Variants in WARS1 observed in about 807,000 individuals in gnomAD.
The protein encoded by WARS1 is tryptophan--tRNA ligase, cytoplasmic.
In WARS1, 17 loss-of-function variants were observed where a neutral mutation model predicts 47.8. The observed-to-expected ratio is 0.36, with a 90% CI of 0.24 to 0.53. The LOEUF (loss-of-function observed/expected upper bound fraction) is 0.53. WARS1 is among the 20% of genes least tolerant of loss of function. WARS1 has a pLI of 0.91. For synonymous variants in WARS1, 208 were observed against 228.1 expected (o/e 0.91, Z 0.79); for missense variants, 434 against 608.0 (o/e 0.71, Z 3.01).
upstream of WARS1, chr14:100,375,913 C>T (rs1169451831): frequency 2.0e-5 from 3 of 152,254 alleles, no homozygotes; most frequent in African/African-American, 4.8e-5. Context: ...GAGAAGCCTG[C>T]TAACATTACC....
Position 100,354,509 on chromosome 14 carries a change from C to G in WARS1, c.480G>C (p.Thr160=). ...YENKKPFYLY[T]GRGPSSEAMH... ...TTGCTTCAGAAGAGGGGCCCCGGCC[C>G]GTGTACAGATAAAATGGCTTCTTAT... The change falls in exon 5 of 11, where the codon ACG becomes ACC. Residue 160 remains threonine (T), a synonymous_variant. Coordinates refer to ENST00000392882, the MANE Select transcript of WARS1 (RefSeq NM_004184.4). 1 of 1,614,066 alleles carries G rather than the reference C, an allele frequency of 6.2e-7. No homozygotes were observed. Among genetic ancestry groups the G allele is most frequent in the South Asian group, 1.1e-5 (1 of 91,026 alleles).
At chr14:100,364,541 A>G (rs1895840789) in intron 2 of WARS1, among the ~76,000 whole-genome samples, 2 of 152,258 alleles carry the variant, frequency 1.3e-5, no homozygotes, top group Non-Finnish European at 2.9e-5. Context: ...TGCTTCTACT[A>G]CCAAGACATT....
chr14:100,350,362 AGTTT>A (rs1208310945), intron 6 of WARS1, among the ~76,000 whole-genome samples: 1 of 123,336 alleles, frequency 8.1e-6, no homozygotes, highest in Non-Finnish European at 1.6e-5. Flanking sequence ...ACTGCTCTCC[AGTTT>A]GGGCGACAGA....
intron 2 of WARS1, chr14:100,365,624 G>A (rs554139572): frequency 7.3e-5 from 13 of 178,852 alleles, no homozygotes; most frequent in Non-Finnish European, 1.3e-4. Flanking sequence ...TGGAGAAGCC[G>A]GAGTGGAGTC....
chr14:100,358,862 T>C (rs1406804427), intron 4 of WARS1, among the ~76,000 whole-genome samples: 2 of 152,202 alleles, frequency 1.3e-5, no homozygotes, highest in Admixed American at 1.3e-4. Flanking sequence ...AGGCAAAGGA[T>C]CTGAATAGAC....
chr14:100,357,082 G>A (rs1895368431), intron 4 of WARS1, among the ~76,000 whole-genome samples: 1 of 152,072 alleles, frequency 6.6e-6, no homozygotes, highest in Non-Finnish European at 1.5e-5. Context: ...AATAAACACA[G>A]AAAATGCATT....
chr14:100,364,629 A>C (rs1447644981), intron 2 of WARS1, among the ~76,000 whole-genome samples: 1 of 152,262 alleles, frequency 6.6e-6, no homozygotes. Flanking sequence ...TGATGTCTTC[A>C]ACGTGTGCCA....
chr14:100,345,406 G>A (rs1195843745), intron 7 of WARS1, among the ~76,000 whole-genome samples: 3 of 152,168 alleles, frequency 2.0e-5, no homozygotes, highest in African/African-American at 2.4e-5. Flanking sequence ...TCTACTCAGG[G>A]TTAAATGGAT....
rs142737692 is a variant in WARS1, at chr14:100,341,677, T to A, written c.1113+721A>T. ...CAAAATAAGGAAGCTCAAACTAACTTCTCCTTTTAGTTTCTCTAGTGATTT... is the reference window on the plus strand; with the variant it reads ...CAAAATAAGGAAGCTCAAACTAACTACTCCTTTTAGTTTCTCTAGTGATTT... On this transcript the variant is annotated intron_variant, in intron 9 of 10. Coordinates refer to ENST00000392882, the MANE Select transcript of WARS1 (RefSeq NM_004184.4). 9.1e-4 allele frequency among the ~76,000 whole-genome samples: 138 copies of A among 152,306 alleles called. 1 individual carries two copies. The highest frequency in any genetic ancestry group is 3.3e-3 in the African/African-American group (138 of 41,548).
rs566743469 is a variant in WARS1 at position 100,372,424 on chromosome 14, C to T, written c.-74+2859G>A. 2.0e-5 allele frequency among the ~76,000 whole-genome samples: 3 copies of T among 152,322 alleles called. No individual in the cohort carries two copies. In the East Asian group the frequency reaches 5.8e-4, roughly 29 times the overall value. On this transcript the variant is annotated intron_variant, in intron 1 of 10. Coordinates refer to ENST00000392882, the MANE Select transcript of WARS1 (RefSeq NM_004184.4). ...ACCGGGACAGGACAGCAGCCAGTTTCTTTCTCCTCCTTGATGAGAACCACC... is the reference window on the plus strand; with the variant it reads ...ACCGGGACAGGACAGCAGCCAGTTTTTTTCTCCTCCTTGATGAGAACCACC...
At chr14:100,342,794 G>A (rs1404674533) in intron 8 of WARS1, among the ~76,000 whole-genome samples, 4 of 151,688 alleles carry the variant, frequency 2.6e-5, no homozygotes, top group Non-Finnish European at 5.9e-5. Flanking sequence ...GTATACATGT[G>A]CCATGGTGGT....
chr14:100,368,769 T>C (rs1478660470), intron 2 of WARS1, among the ~76,000 whole-genome samples: 1 of 128,794 alleles, frequency 7.8e-6, no homozygotes, highest in Non-Finnish European at 1.7e-5. Context: ...GAGACCAGCC[T>C]GACCAACGTG....
At chr14:100,348,301 G>A (rs972274214) in intron 6 of WARS1, among the ~76,000 whole-genome samples, 1 of 152,222 alleles carries the variant, frequency 6.6e-6, no homozygotes, top group Admixed American at 6.5e-5. Context: ...AACACTGGCC[G>A]TTTGTGCTGG....
chr14:100,365,124 T>TACACACACACACAC lies in WARS1; in HGVS notation c.100-3217_100-3204dup, dbSNP rs59205319. 5.8e-3 allele frequency among the ~76,000 whole-genome samples: 795 copies of TACACACACACACAC among 137,802 alleles called. 3 individuals carry two copies. Among genetic ancestry groups the TACACACACACACAC allele is most frequent in the South Asian group, 0.021 (87 of 4,152 alleles). 90.4% of individuals were successfully genotyped at this position (137,802 alleles called of 152,430 possible). A position where few individuals can be genotyped will look rare whatever the true frequency, so the allele number is the denominator to read the frequency against. The stretch of plus-strand genomic sequence containing the variant: ...AAGAGCGAGACCCTGTCTCAAAAAA[T>TACACACACACACAC]ACACACACACACACACACACACACA... On this transcript the variant is annotated intron_variant, in intron 2 of 10. Transcript: ENST00000392882.
intron 4 of WARS1, among the ~76,000 whole-genome samples, chr14:100,359,306 A>G (rs1386671452): frequency 6.6e-6 from 1 of 152,240 alleles, no homozygotes; most frequent in Non-Finnish European, 1.5e-5. Flanking sequence ...AATGTGAGGT[A>G]TATCCATTCA....
rs1323298412 is a variant in WARS1 at position 100,369,177 on chromosome 14, G to A, written c.9C>T (p.Asn3=). Residue 3 remains asparagine, a synonymous_variant, in exon 2 of 11, where the codon AAC becomes AAT. Coordinates refer to ENST00000392882, the MANE Select transcript of WARS1 (RefSeq NM_004184.4). ...GCTCCAGCAGAGATGCGGGCTCACT[G>A]TTGGGCATGTTTGCTATCTCTCAGG... MP[N]SEPASLLELF... The A allele has an allele frequency of 2.8e-6, 4 of 1,421,242 alleles. No individual in the cohort carries two copies. In the South Asian group the frequency reaches 5.4e-5, roughly 19 times the overall value. 88.0% of individuals were successfully genotyped at this position (1,421,242 alleles called of 1,614,324 possible). A position where few individuals can be genotyped will look rare whatever the true frequency, so the allele number is the denominator to read the frequency against.
At chr14:100,337,620 G>T (rs569581408) in intron 9 of WARS1, among the ~76,000 whole-genome samples, 14 of 151,788 alleles carry the variant, frequency 9.2e-5, no homozygotes, top group Admixed American at 3.3e-4. Flanking sequence ...GGAGGCTGAG[G>T]GGGGAGGATC....
At chr14:100,336,057 C>T (rs1049830930) in intron 10 of WARS1, among the ~76,000 whole-genome samples, 2 of 151,550 alleles carry the variant, frequency 1.3e-5, no homozygotes, top group Non-Finnish European at 2.9e-5. Context: ...GGGTGGATCA[C>T]GAGGTCGGGA....
chr14:100,374,031 T>G (rs763872599), intron 1 of WARS1: 2 of 152,256 alleles, frequency 1.3e-5, no homozygotes, highest in Non-Finnish European at 2.9e-5. Flanking sequence ...TGAGTTGAAC[T>G]TCAGAGGTTT....
Sources: gnomAD v4.1 joint callset for allele counts (sites outside exome capture counted in the v4.1 genomes callset) on GRCh38, gnomAD v4.1.1 for gene constraint, MANE v1.5 for transcripts, NCBI Gene and HGNC (gene_info 2026-07-23, HGNC 2026-07-21) for gene names.